The following SMCO2 variants were observed in gnomAD, a reference collection of about 807,000 sequenced individuals.
The protein encoded by SMCO2 is single-pass membrane protein with coiled-coil domains 2.
SMCO2 carries 25 observed loss-of-function variants against 29.5 expected under a neutral mutation model. That is an observed-to-expected ratio of 0.85 (90% confidence interval 0.62 to 1.18). SMCO2 has a LOEUF of 1.18. Ranked by LOEUF, SMCO2 falls within the 50% of genes most tolerant of loss-of-function variation. The pLI is 0.00. For missense variants in SMCO2, 348 were observed against 344.5 expected (o/e 1.01, Z -0.08); for synonymous variants, 117 against 123.3 (o/e 0.95, Z 0.34).
the SMCO2 span, among the ~76,000 whole-genome samples, chr12:27,448,396 A>G: frequency 6.6e-6 from 1 of 152,236 alleles, no homozygotes; most frequent in Non-Finnish European, 1.5e-5. Flanking sequence ...TTAGTAGAAT[A>G]CTACTTGTTG....
rs368881342 is a variant in SMCO2, at chr12:27,501,437, AC to A, written c.684-485del. Among the ~76,000 whole-genome samples the A allele has an allele frequency of 2.6e-3, 335 of 126,830 alleles. 10 individuals carry two copies. The highest frequency in any genetic ancestry group is 7.9e-3 in the African/African-American group (237 of 29,994). 83.2% of individuals were successfully genotyped at this position (126,830 alleles called of 152,430 possible). A position where few individuals can be genotyped will look rare whatever the true frequency, so the allele number is the denominator to read the frequency against. ...TCTCAAAAAAAAAAAAAAAAAAAAA[AC>A]AAACAAACAAAACAAAACAAAAAAA... On this transcript the variant is annotated intron_variant, in intron 7 of 7. Coordinates refer to ENST00000298876, the Ensembl canonical transcript of SMCO2.
At chr12:27,433,232 C>T in the SMCO2 span, among the ~76,000 whole-genome samples, 1 of 151,974 alleles carries the variant, frequency 6.6e-6, no homozygotes, top group African/African-American at 2.4e-5. Flanking sequence ...TAAAAAAGAT[C>T]CATTCTCTTT....
chr12:27,423,324 C>CTTTTTTTTTTTTTTTTTTTTT, the SMCO2 span: 3 of 85,930 alleles, frequency 3.5e-5, 1 homozygote, highest in African/African-American at 9.0e-5. Flanking sequence ...CTTTTCTTTT[C>CTTTTTTTTTTTTTTTTTTTTT]TTTTTTTTTT....
intron 4 of SMCO2, among the ~76,000 whole-genome samples, chr12:27,487,072 T>A (rs959969571): frequency 6.6e-6 from 1 of 152,224 alleles, no homozygotes; most frequent in African/African-American, 2.4e-5. Flanking sequence ...TCCAGAGAGC[T>A]TATTCAGACT....
chr12:27,498,812 C>T (rs1943042553), intron 7 of SMCO2, among the ~76,000 whole-genome samples: 1 of 150,252 alleles, frequency 6.7e-6, no homozygotes, highest in African/African-American at 2.5e-5. Context: ...AAACGGTCAA[C>T]AAGCACATGA....
At position 27,482,548 on chromosome 12, in the gene SMCO2, A is replaced by C. The variant is rs565244729; in HGVS notation, c.363-5912A>C. On this transcript the variant is annotated intron_variant, in intron 4 of 7. Transcript: ENST00000298876. Reference sequence around the variant, plus strand: ...ACTCCTGACCTCAGGTGATCCGCCCACATTGGCCTACCAAAGTGCTTGGAT... The same window carrying C: ...ACTCCTGACCTCAGGTGATCCGCCCCCATTGGCCTACCAAAGTGCTTGGAT... 1.5e-3 allele frequency among the ~76,000 whole-genome samples: 224 copies of C among 152,286 alleles called. 1 individual carries two copies. Among genetic ancestry groups the C allele is most frequent in the African/African-American group, 5.2e-3 (218 of 41,570 alleles).
chr12:27,481,685 G>A (rs866147769), intron 4 of SMCO2, among the ~76,000 whole-genome samples: 1 of 152,132 alleles, frequency 6.6e-6, no homozygotes, highest in Admixed American at 6.5e-5. Context: ...TTTAATAGAT[G>A]TAATAGGGCT....
intron 4 of SMCO2, among the ~76,000 whole-genome samples, chr12:27,485,567 C>T (rs552500823): frequency 2.2e-4 from 33 of 151,492 alleles, no homozygotes; most frequent in Admixed American, 7.9e-4. Context: ...CTTGGCTTCC[C>T]GAGTAGCTGG....
the SMCO2 span, among the ~76,000 whole-genome samples, chr12:27,437,078 C>A: frequency 6.6e-6 from 1 of 152,126 alleles, no homozygotes; most frequent in Admixed American, 6.5e-5. Context: ...AAAAAAGAAA[C>A]ATATATATGA....
chr12:27,488,077 T>A (rs1949704629), intron 4 of SMCO2, among the ~76,000 whole-genome samples: 1 of 152,166 alleles, frequency 6.6e-6, no homozygotes, highest in African/African-American at 2.4e-5. Context: ...AAATTAAGGT[T>A]TTAATTTTGA....
the SMCO2 span, among the ~76,000 whole-genome samples, chr12:27,461,528 T>C: frequency 6.6e-6 from 1 of 152,230 alleles, no homozygotes. Flanking sequence ...GTTTCTGTGT[T>C]AGTTCGCTTA....
chr12:27,478,819 T>C (rs1949614570), intron 4 of SMCO2, among the ~76,000 whole-genome samples: 1 of 152,112 alleles, frequency 6.6e-6, no homozygotes, highest in Non-Finnish European at 1.5e-5. Context: ...TCCCAAATGA[T>C]GTGTGGCAGG....
chr12:27,467,910 T>C (rs1159054602), intron 1 of SMCO2, among the ~76,000 whole-genome samples: 1 of 152,322 alleles, frequency 6.6e-6, no homozygotes, highest in East Asian at 1.9e-4. Flanking sequence ...GCTGCACATG[T>C]GTAAGCATTA....
the SMCO2 span, among the ~76,000 whole-genome samples, chr12:27,454,316 A>G: frequency 6.6e-6 from 1 of 152,156 alleles, no homozygotes; most frequent in Non-Finnish European, 1.5e-5. Context: ...AAATGTTTCC[A>G]ATGGGATTAC....
At chr12:27,495,771 T>C (rs1182229776) in exon 7 of SMCO2, 17 of 1,541,074 alleles carry the variant, frequency 1.1e-5, no homozygotes, top group Non-Finnish European at 1.4e-5. Context: ...TCTGAGGAAA[T>C]AGATACGGAA....
intron 2 of SMCO2, among the ~76,000 whole-genome samples, chr12:27,472,120 C>T (rs994613613): frequency 5.3e-5 from 8 of 152,064 alleles, no homozygotes; most frequent in South Asian, 2.1e-4. Flanking sequence ...AAAACGAAGC[C>T]GCTCTGTATG....
At chr12:27,485,590 G>A (rs569204411) in intron 4 of SMCO2, among the ~76,000 whole-genome samples, 8 of 151,594 alleles carry the variant, frequency 5.3e-5, no homozygotes, top group African/African-American at 9.7e-5. Flanking sequence ...TTATAGGCAC[G>A]TGCCACCCAT....
the SMCO2 span, among the ~76,000 whole-genome samples, chr12:27,434,139 C>G: frequency 3.3e-5 from 5 of 152,166 alleles, no homozygotes; most frequent in African/African-American, 1.2e-4. Context: ...AAAACAGAAT[C>G]CATCAAAAAT....
At chr12:27,460,929 G>C in the SMCO2 span, among the ~76,000 whole-genome samples, 2 of 152,196 alleles carry the variant, frequency 1.3e-5, no homozygotes, top group Non-Finnish European at 2.9e-5. Flanking sequence ...CACGGTTTCT[G>C]TGCAAGGGCA....
Sources: gnomAD v4.1 joint callset for allele counts (sites outside exome capture counted in the v4.1 genomes callset) on GRCh38, gnomAD v4.1.1 for gene constraint, MANE v1.5 for transcripts, NCBI Gene and HGNC (gene_info 2026-07-23, HGNC 2026-07-21) for gene names.